Variants in RTCB observed in about 807,000 individuals in gnomAD.
The protein encoded by RTCB is RNA 2',3'-cyclic phosphate and 5'-OH ligase.
A neutral mutation model predicts 58.2 loss-of-function variants in RTCB; 32 were observed. That is an observed-to-expected ratio of 0.55 (90% CI 0.41 to 0.74). The LOEUF (loss-of-function observed/expected upper bound fraction) is 0.74. RTCB is among the 30% of genes least tolerant of loss of function. The probability of loss-of-function intolerance (pLI) is 0.00; values close to 1 mark genes in which losing one functional copy is unlikely to be tolerated. For synonymous variants in RTCB, 247 were observed against 218.6 expected (o/e 1.13, Z -1.15); for missense variants, 523 against 639.0 (o/e 0.82, Z 1.96).
At chr22:32,399,549 T>C in intron 6 of RTCB, 54 bp downstream of exon 6, 1 of 1,520,506 alleles carries the variant, frequency 6.6e-7, no homozygotes, top group Non-Finnish European at 8.9e-7. Context: ...TTTCCCCCAA[T>C]AAAAACAAAA....
intron 10 of RTCB, among the ~76,000 whole-genome samples, chr22:32,393,673 G>A (rs1365827845): frequency 1.3e-5 from 2 of 152,120 alleles, no homozygotes; most frequent in East Asian, 1.9e-4. Flanking sequence ...GATAAGAAAC[G>A]GTCCCTAACC....
Position 32,388,011 on chromosome 22 carries a change from A to ATCTATCCT in RTCB, c.1498_1499insAGGATAGA (p.Ile500LysfsTer6). The ATCTATCCT allele has an allele frequency of 6.2e-7, 1 of 1,613,116 alleles. No individual in the cohort carries two copies. Among genetic ancestry groups the ATCTATCCT allele is most frequent in the Non-Finnish European group, 8.5e-7 (1 of 1,179,070 alleles). On this transcript the variant is annotated frameshift_variant, in exon 12 of 12. Transcript: ENST00000216038. LOFTEE classifies it high-confidence loss of function. ...AAGGTTCTATCCTTTGATCACAGCA[A>ATCTATCCT]TTGGTCTCAGTTTAATGGCTTTCTT...
chr22:32,394,835 C>T lies in RTCB; in HGVS notation c.1179+191G>A, dbSNP rs1241512523. ...TTCCTGCAGCACTTGCTATAGCACA[C>T]GGCACCACCGCAAGCACAAATGATG... is the stretch of plus-strand genomic sequence containing the variant. On this transcript the variant is annotated intron_variant, in intron 9 of 11. Transcript: ENST00000216038. Among the ~76,000 whole-genome samples the T allele has an allele frequency of 2.0e-5, 3 of 152,078 alleles. 1 individual carries two copies. The highest frequency in any genetic ancestry group is 4.2e-4 in the South Asian group (2 of 4,818).
intron 11 of RTCB, 59 bp from the exon 12 acceptor site, chr22:32,388,158 A>G: frequency 9.9e-7 from 1 of 1,008,370 alleles, no homozygotes; most frequent in Non-Finnish European, 1.6e-6. Context: ...CTTTACAAGC[A>G]CCAAACTTCA....
Position 32,399,929 on chromosome 22 carries a change from T to A in RTCB, c.498-170A>T, listed in dbSNP as rs1050016279. ...TCTCAGTAACTGGTTTTTTGAGGAATGCAGTCATATAAATAATTCCAATAT... is the reference window on the plus strand; with the variant it reads ...TCTCAGTAACTGGTTTTTTGAGGAAAGCAGTCATATAAATAATTCCAATAT... On this transcript the variant is annotated intron_variant, in intron 5 of 11. Transcript: ENST00000216038. 6 of 496,192 alleles carry A rather than the reference T, an allele frequency of 1.2e-5. No homozygotes were observed. In the East Asian group the frequency reaches 1.5e-4, roughly 12 times the overall value. 30.7% of individuals were successfully genotyped at this position (496,192 alleles called of 1,614,324 possible). A position where few individuals can be genotyped will look rare whatever the true frequency, so the allele number is the denominator to read the frequency against.
At chr22:32,388,576 T>C (rs919335572) in intron 11 of RTCB, among the ~76,000 whole-genome samples, 28 of 152,194 alleles carry the variant, frequency 1.8e-4, no homozygotes. Flanking sequence ...TAAAACAAAG[T>C]AAAACTGTGT....
intron 5 of RTCB, chr22:32,400,042 C>T (rs528424552): frequency 7.8e-6 from 2 of 256,680 alleles, no homozygotes; most frequent in South Asian, 1.5e-4. Context: ...TTTTTATATT[C>T]AGTTTTGCCT....
chr22:32,394,062 T>C (rs193234909), intron 9 of RTCB, 60 bp from the exon 10 acceptor site: 1 of 1,195,068 alleles, frequency 8.4e-7, no homozygotes, highest in African/African-American at 1.5e-5. Context: ...TTTTTATGCA[T>C]AAAATTTAAA....
chr22:32,407,470 G>C (rs1443076973), intron 3 of RTCB: 1 of 152,496 alleles, frequency 6.6e-6, no homozygotes, highest in African/African-American at 2.4e-5. Flanking sequence ...CTCCCCCTCA[G>C]TGCTAACCCT....
chr22:32,399,015 G>A (rs1933290687), intron 6 of RTCB, among the ~76,000 whole-genome samples: 1 of 152,172 alleles, frequency 6.6e-6, no homozygotes, highest in Admixed American at 6.5e-5. Context: ...CAAACATCTA[G>A]TATATTCTTA....
chr22:32,397,591 C>T (rs959640129), intron 7 of RTCB, among the ~76,000 whole-genome samples: 1 of 152,294 alleles, frequency 6.6e-6, no homozygotes, highest in African/African-American at 2.4e-5. Flanking sequence ...CAAATGAAAG[C>T]CTATTTCATA....
At chr22:32,395,854 C>T (rs572490315) in intron 8 of RTCB, among the ~76,000 whole-genome samples, 2 of 152,134 alleles carry the variant, frequency 1.3e-5, no homozygotes, top group African/African-American at 4.8e-5. Context: ...GCCACGACGA[C>T]CAGCTAAGCT....
chr22:32,394,498 G>A (rs1218671898), intron 9 of RTCB, among the ~76,000 whole-genome samples: 1 of 152,150 alleles, frequency 6.6e-6, no homozygotes, highest in Non-Finnish European at 1.5e-5. Flanking sequence ...GGAAGGAAGA[G>A]GACGAGAGTG....
Position 32,392,494 on chromosome 22 carries a change from C to T in RTCB, c.1291-135G>A, listed in dbSNP as rs551612069. ...TCGAATTGGTAACAGGCCTTTTAAA[C>T]CTCATCATATCCTTTTAGATTTTGG... On this transcript the variant is annotated intron_variant, in intron 10 of 11. Transcript: ENST00000216038. 1.5e-4 allele frequency: 168 copies of T among 1,109,234 alleles called. 4 individuals are homozygous for T. In the South Asian group the frequency reaches 1.6e-3, roughly 10 times the overall value. The allele number at this position is 1,109,234 out of a possible 1,614,324, so 68.7% of individuals were successfully genotyped here.
chr22:32,396,140 C>G lies in RTCB; in HGVS notation c.924G>C (p.Lys308Asn). Residue 308 changes from lysine to asparagine, a missense_variant, in exon 8 of 12, where the codon AAG (lysine) becomes AAC (asparagine). Lys to Asn is a moderately conservative substitution (Grantham distance 94). This residue lies in a region of RTCB where 248 missense variants were observed against 292.5 expected (regional missense o/e 0.85). Transcript: ENST00000216038. The stretch of plus-strand genomic sequence containing the variant: ...CATAGTTCCCAGCAGCTGCCATTCC[C>G]TTCAGATAGTCTTGACCCTCTGGGG... ...IASPEGQDYLKGMAAAGNYAW... is the reference protein window; with the variant it reads ...IASPEGQDYLNGMAAAGNYAW... The G allele has an allele frequency of 1.2e-6, 2 of 1,614,122 alleles. No homozygotes were observed. The highest frequency in any genetic ancestry group is 1.7e-6 in the Non-Finnish European group (2 of 1,180,022).
chr22:32,391,410 T>G (rs1486531957), intron 11 of RTCB, among the ~76,000 whole-genome samples: 1 of 151,890 alleles, frequency 6.6e-6, no homozygotes, highest in Non-Finnish European at 1.5e-5. Flanking sequence ...TTTTTTTTTT[T>G]TTTGAGACGG....
intron 3 of RTCB, 31 bp downstream of exon 3, chr22:32,408,144 T>C (rs1416958454): frequency 4.4e-6 from 7 of 1,587,538 alleles, no homozygotes; most frequent in Admixed American, 1.7e-5. Flanking sequence ...TTAAGAAATA[T>C]AAATGATTAA....
chr22:32,402,036 G>T, intron 4 of RTCB, 133 bp from the exon 5 acceptor site: 1 of 984,078 alleles, frequency 1.0e-6, no homozygotes, highest in Non-Finnish European at 1.5e-6. Context: ...ACAACAAAGT[G>T]GTTCTTTGCT....
intron 11 of RTCB, 136 bp downstream of exon 11, chr22:32,392,104 C>A: frequency 1.0e-5 from 9 of 876,776 alleles, no homozygotes; most frequent in South Asian, 6.2e-5. Context: ...GGAAGATAAG[C>A]CAAAATTGAG....
Sources: allele counts gnomAD v4.1 joint callset (sites outside exome capture counted in the v4.1 genomes callset), GRCh38; gene constraint gnomAD v4.1.1; regional missense constraint gnomAD v4.1.1; transcripts MANE v1.5; gene names NCBI Gene and HGNC (gene_info 2026-07-23, HGNC 2026-07-21).